DZANK1: variants seen among roughly 807,000 people sequenced by gnomAD.
DZANK1 encodes the protein double zinc ribbon and ankyrin repeat domains 1.
DZANK1 carries 91 observed loss-of-function variants against 94.5 expected under a neutral mutation model. That is an observed-to-expected ratio of 0.96 (90% CI 0.81 to 1.15). The LOEUF is 1.15. DZANK1 is among the 50% of genes most tolerant of loss of function. DZANK1 has a pLI of 0.00. For missense variants in DZANK1, 903 were observed against 916.4 expected, an observed-to-expected ratio of 0.99 and a Z score of 0.19; for synonymous variants, 312 against 325.3, an observed-to-expected ratio of 0.96 and a Z score of 0.44.
intron 4 of DZANK1, chr20:18,454,037 C>T (rs1601149078): frequency 1.5e-6 from 1 of 661,940 alleles, no homozygotes; most frequent in African/African-American, 1.8e-5. Flanking sequence ...CTGGATGTAG[C>T]CCTCACCAGG....
At chr20:18,444,026 A>G (rs2058796622) in intron 7 of DZANK1, among the ~76,000 whole-genome samples, 1 of 152,188 alleles carries the variant, frequency 6.6e-6, no homozygotes, top group African/African-American at 2.4e-5. Flanking sequence ...GGTTCTGGCT[A>G]TCTGCCAAAG....
At chr20:18,453,508 C>T (rs6045412) in intron 5 of DZANK1, among the ~76,000 whole-genome samples, 25,599 of 152,066 alleles carry the variant, frequency 0.17, 2,706 homozygotes, top group East Asian at 0.36. Flanking sequence ...TGGCTCCCGG[C>T]AGTGGGTCAA....
chr20:18,410,702 T>TC, intron 13 of DZANK1, among the ~76,000 whole-genome samples: 1 of 152,264 alleles, frequency 6.6e-6, no homozygotes, highest in Middle Eastern at 3.4e-3. Flanking sequence ...ATCCTAGCAC[T>TC]CTGGAAGGCT....
At chr20:18,425,883 G>A (rs548726242) in intron 10 of DZANK1, among the ~76,000 whole-genome samples, 4 of 152,334 alleles carry the variant, frequency 2.6e-5, no homozygotes, top group Admixed American at 6.5e-5. Flanking sequence ...CAGAAGCTGG[G>A]AGAGAAGATG....
At position 18,424,480 on chromosome 20, in the gene DZANK1, A is replaced by AG. The variant is rs1160075538; in HGVS notation, c.954+2586_954+2587insC. Among the ~76,000 whole-genome samples, 1,380 of 149,210 alleles carry AG rather than the reference A, an allele frequency of 9.2e-3. 15 individuals carry two copies. The highest frequency in any genetic ancestry group is 0.023 in the African/African-American group (929 of 40,500). ...AATAACAACAACAACAAAAAAAAAA[A>AG]AAAAGAAAAGAAAAGAAAAAAATGA... On this transcript the variant is annotated intron_variant, in intron 10 of 20. Coordinates refer to ENST00000262547, the Ensembl canonical transcript of DZANK1.
At position 18,389,270 on chromosome 20, in the gene DZANK1, G is replaced by T. The variant is rs115053559; in HGVS notation, c.2018+431C>A. Among the ~76,000 whole-genome samples, 841 of 152,252 alleles carry T rather than the reference G, an allele frequency of 5.5e-3. 12 individuals carry two copies. The highest frequency in any genetic ancestry group is 0.019 in the African/African-American group (775 of 41,534). Reference sequence around the variant, plus strand: ...AGATGTACCAGTCTCCTCTGCAGTGGTGTGAGATCTGGAGACAACCGTATG... The same window carrying T: ...AGATGTACCAGTCTCCTCTGCAGTGTTGTGAGATCTGGAGACAACCGTATG... On this transcript the variant is annotated intron_variant, in intron 19 of 20. Coordinates refer to ENST00000262547, the Ensembl canonical transcript of DZANK1.
At chr20:18,460,624 G>C (rs1252447633) in intron 2 of DZANK1, among the ~76,000 whole-genome samples, 8 of 152,130 alleles carry the variant, frequency 5.3e-5, no homozygotes, top group African/African-American at 1.9e-4. Context: ...AGCTACTCAG[G>C]AGGCTGAGGC....
intron 13 of DZANK1, among the ~76,000 whole-genome samples, chr20:18,399,090 C>T (rs1466566332): frequency 6.8e-6 from 1 of 146,748 alleles, no homozygotes. Flanking sequence ...TGCACCACTG[C>T]ACTCCAGCCT....
At chr20:18,401,703 C>G (rs2056692362) in intron 13 of DZANK1, among the ~76,000 whole-genome samples, 1 of 152,256 alleles carries the variant, frequency 6.6e-6, no homozygotes, top group Non-Finnish European at 1.5e-5. Context: ...GGTGCTGGCT[C>G]AGGTGCTCTG....
intron 8 of DZANK1, among the ~76,000 whole-genome samples, chr20:18,438,659 G>T (rs1177459321): frequency 6.6e-6 from 1 of 152,360 alleles, no homozygotes; most frequent in Middle Eastern, 3.4e-3. Context: ...GTATATGACT[G>T]TATTAGTCTG....
At chr20:18,426,966 G>T (rs1169325026) in intron 10 of DZANK1, 101 bp downstream of exon 10, 2 of 722,482 alleles carry the variant, frequency 2.8e-6, no homozygotes, top group Admixed American at 3.7e-5. Context: ...GCTTTTTTTG[G>T]TCTCTCTCCC....
At chr20:18,403,509 C>G (rs554354951) in intron 13 of DZANK1, among the ~76,000 whole-genome samples, 38 of 152,266 alleles carry the variant, frequency 2.5e-4, no homozygotes, top group African/African-American at 7.7e-4. Context: ...TGGGAAAGTT[C>G]AAGCCTAAGG....
intron 8 of DZANK1, among the ~76,000 whole-genome samples, chr20:18,438,233 A>AG (rs1010871931): frequency 1.6e-5 from 2 of 124,182 alleles, no homozygotes; most frequent in Non-Finnish European, 3.8e-5. Flanking sequence ...AAAAAAAAAA[A>AG]AAAAAAGAAA....
intron 16 of DZANK1, among the ~76,000 whole-genome samples, chr20:18,394,027 G>T (rs3752307): frequency 0.24 from 36,827 of 152,000 alleles, 5,136 homozygotes; most frequent in East Asian, 0.67. Flanking sequence ...AGGGACTTCG[G>T]TTTTTAGGTC....
intron 9 of DZANK1, chr20:18,433,400 T>C (rs1444530996): frequency 5.0e-6 from 2 of 400,924 alleles, no homozygotes; most frequent in Non-Finnish European, 9.1e-6. Context: ...AAATTAGCCA[T>C]GCGTGGTGGT....
At chr20:18,430,795 C>A (rs1010095782) in intron 9 of DZANK1, among the ~76,000 whole-genome samples, 4 of 152,118 alleles carry the variant, frequency 2.6e-5, no homozygotes, top group Non-Finnish European at 4.4e-5. Flanking sequence ...GCCTAGGCGA[C>A]AGAGTGAGAT....
chr20:18,391,962 T>G (rs760481681), intron 17 of DZANK1, among the ~76,000 whole-genome samples: 14 of 152,268 alleles, frequency 9.2e-5, no homozygotes, highest in Non-Finnish European at 1.9e-4. Context: ...TGTACTAGAA[T>G]GCAGTAGGCA....
intron 17 of DZANK1, among the ~76,000 whole-genome samples, chr20:18,392,725 C>T (rs1043322402): frequency 2.0e-5 from 3 of 152,168 alleles, no homozygotes; most frequent in Non-Finnish European, 4.4e-5. Flanking sequence ...TACTGACCAT[C>T]GGTGAATTAG....
chr20:18,390,990 G>C (rs1423680758), intron 17 of DZANK1, among the ~76,000 whole-genome samples: 1 of 152,150 alleles, frequency 6.6e-6, no homozygotes, highest in African/African-American at 2.4e-5. Flanking sequence ...GAGGTCAGGA[G>C]TTTGAGACCA....
Sources: allele counts gnomAD v4.1 joint callset (sites outside exome capture counted in the v4.1 genomes callset), GRCh38; gene constraint gnomAD v4.1.1; transcripts MANE v1.5; gene names NCBI Gene and HGNC (gene_info 2026-07-23, HGNC 2026-07-21).